HECW2: variants seen among roughly 807,000 people sequenced by gnomAD.
The protein encoded by HECW2 is HECT, C2 and WW domain containing E3 ubiquitin protein ligase 2.
HECW2 carries 61 observed loss-of-function variants against 175.2 expected under a neutral mutation model. The observed-to-expected ratio is 0.35, with a 90% CI of 0.28 to 0.43. The LOEUF (loss-of-function observed/expected upper bound fraction) is 0.43, where lower values mean the gene tolerates loss of function less well. HECW2 is among the 20% of genes least tolerant of loss of function. The pLI, the probability that HECW2 is intolerant of heterozygous loss-of-function variation, is 1.00. For missense variants in HECW2, 1,524 were observed against 2,000.5 expected, an observed-to-expected ratio of 0.76 and a Z score of 4.54; for synonymous variants, 671 against 731.0, an observed-to-expected ratio of 0.92 and a Z score of 1.32.
At chr2:196,475,576 C>T (rs1686561729) in intron 1 of HECW2, among the ~76,000 whole-genome samples, 1 of 152,198 alleles carries the variant, frequency 6.6e-6, no homozygotes, top group African/African-American at 2.4e-5. Context: ...GCATGATCCC[C>T]ACTTACTAGC....
chr2:196,441,809 C>T (rs889821970), intron 1 of HECW2, among the ~76,000 whole-genome samples: 5 of 152,078 alleles, frequency 3.3e-5, no homozygotes, highest in African/African-American at 1.2e-4. Flanking sequence ...TCTACACAAC[C>T]TGCTAGGAAA....
intron 19 of HECW2, among the ~76,000 whole-genome samples, chr2:196,246,638 C>A (rs189851547): frequency 3.3e-5 from 5 of 152,046 alleles, no homozygotes; most frequent in Admixed American, 6.5e-5. Flanking sequence ...GATCCACCCC[C>A]CTCAGCCTCC....
rs1199415460 is a variant in HECW2, at chr2:196,433,237, C to T, written c.187G>A (p.Ala63Thr). Residue 63 changes from alanine to threonine, a missense_variant, in exon 2 of 29, where the codon GCC becomes ACC. Ala to Thr is a moderately conservative substitution (Grantham distance 58). Coordinates refer to ENST00000644978, the MANE Select transcript of HECW2 (RefSeq NM_001348768.2). ...VTSESRSSLT[A>T]SMYEYTLGQA... is the part of the protein sequence containing the mutation. Reference sequence around the variant, plus strand: ...CCCAGCGTGTACTCGTACATGCTGGCAGTTAAGCTGGAGCGGCTCTCAGAA... The same window carrying T: ...CCCAGCGTGTACTCGTACATGCTGGTAGTTAAGCTGGAGCGGCTCTCAGAA... 2.5e-6 allele frequency: 4 copies of T among 1,614,134 alleles called. No individual in the cohort carries two copies. The South Asian group carries it at 4.4e-5, about 18-fold the overall frequency.
chr2:196,248,768 A>G (rs555295256), intron 19 of HECW2, among the ~76,000 whole-genome samples: 1 of 152,306 alleles, frequency 6.6e-6, no homozygotes, highest in Admixed American at 6.5e-5. Flanking sequence ...GGTGGGAGAA[A>G]GAAAACGAAG....
At chr2:196,533,618 G>T (rs1688918845) in intron 1 of HECW2, among the ~76,000 whole-genome samples, 1 of 125,306 alleles carries the variant, frequency 8.0e-6, no homozygotes, top group Non-Finnish European at 1.6e-5. Flanking sequence ...CACTGGAAAA[G>T]GAATATATAT....
At chr2:196,546,041 G>C (rs745383109) in intron 1 of HECW2, among the ~76,000 whole-genome samples, 1 of 152,126 alleles carries the variant, frequency 6.6e-6, no homozygotes, top group Non-Finnish European at 1.5e-5. Flanking sequence ...ATAAAGGTGA[G>C]TTCTTTAAAC....
intron 2 of HECW2, among the ~76,000 whole-genome samples, chr2:196,421,775 G>A (rs1327144723): frequency 6.6e-6 from 1 of 152,118 alleles, no homozygotes; most frequent in East Asian, 1.9e-4. Context: ...AATGTTTCTA[G>A]AATCATCTCA....
At chr2:196,573,686 C>T (rs1057052904) in intron 1 of HECW2, among the ~76,000 whole-genome samples, 2 of 152,106 alleles carry the variant, frequency 1.3e-5, no homozygotes, top group Admixed American at 6.5e-5. Flanking sequence ...CTGCAATTGC[C>T]GAACACTGCG....
At position 196,346,537 on chromosome 2, in the gene HECW2, AG is replaced by A. The variant is rs760434026; in HGVS notation, c.293-2774del. On this transcript the variant is annotated intron_variant, in intron 2 of 28. Coordinates refer to ENST00000644978, the MANE Select transcript of HECW2 (RefSeq NM_001348768.2). The stretch of plus-strand genomic sequence containing the variant: ...CATACCCTTGCTTAGTCTCAGAAGT[AG>A]GAAATAAGGGAGAATAAATAACGTG... 1.3e-5 allele frequency among the ~76,000 whole-genome samples: 2 copies of A among 152,210 alleles called. 1 individual carries two copies. The highest frequency in any genetic ancestry group is 1.3e-4 in the Admixed American group (2 of 15,284).
At chr2:196,512,554 G>T (rs1687989973) in intron 1 of HECW2, among the ~76,000 whole-genome samples, 1 of 151,992 alleles carries the variant, frequency 6.6e-6, no homozygotes, top group Non-Finnish European at 1.5e-5. Flanking sequence ...ACCAAACATA[G>T]CTAATTTTTT....
At chr2:196,421,873 C>T (rs562060528) in intron 2 of HECW2, among the ~76,000 whole-genome samples, 8 of 152,206 alleles carry the variant, frequency 5.3e-5, no homozygotes, top group African/African-American at 1.9e-4. Context: ...TTTGGCTACA[C>T]CAACCTATGC....
chr2:196,523,339 T>C (rs1353406969), intron 1 of HECW2, among the ~76,000 whole-genome samples: 2 of 151,672 alleles, frequency 1.3e-5, no homozygotes, highest in Non-Finnish European at 3.0e-5. Context: ...TCCTGAGACT[T>C]TGCTGAAGTT....
At position 196,382,865 on chromosome 2, in the gene HECW2, G is replaced by A. The variant is rs115934508; in HGVS notation, c.293-39101C>T. On this transcript the variant is annotated intron_variant, in intron 2 of 28. Transcript: ENST00000644978. Reference sequence around the variant, plus strand: ...AGTAAAAATGATATTGCAAATGGTAGCAGGACCACAAGTAGCTTTCATTTT... The same window carrying A: ...AGTAAAAATGATATTGCAAATGGTAACAGGACCACAAGTAGCTTTCATTTT... 9.2e-3 allele frequency among the ~76,000 whole-genome samples: 1,402 copies of A among 152,264 alleles called. 9 individuals carry two copies. The highest frequency in any genetic ancestry group is 0.016 in the Non-Finnish European group (1,055 of 68,014).
At chr2:196,510,682 T>C (rs771726063) in intron 1 of HECW2, among the ~76,000 whole-genome samples, 38 of 152,248 alleles carry the variant, frequency 2.5e-4, no homozygotes, top group Non-Finnish European at 5.0e-4. Flanking sequence ...TCCACAAATA[T>C]GGGAATTGTT....
chr2:196,324,902 T>C, intron 6 of HECW2, 78 bp downstream of exon 6: 1 of 1,236,184 alleles, frequency 8.1e-7, no homozygotes. Flanking sequence ...ACCTGAGGGA[T>C]GCAAAAGTCT....
intron 13 of HECW2, among the ~76,000 whole-genome samples, chr2:196,301,928 T>C (rs1182358405): frequency 1.3e-5 from 2 of 152,208 alleles, no homozygotes; most frequent in African/African-American, 4.8e-5. Flanking sequence ...TTGCAATTGC[T>C]TTTGGTACTT....
Position 196,240,579 on chromosome 2 carries a change from A to C in HECW2, c.3651-17T>G. On this transcript the variant is annotated splice_polypyrimidine_tract_variant and intron_variant, in intron 20 of 28. Coordinates refer to ENST00000644978, the MANE Select transcript of HECW2 (RefSeq NM_001348768.2). Reference sequence around the variant, plus strand: ...ATAATTAACCTGTCCATAAAGAGACAATTTAGAAAATACAAATTATTACTA... The same window carrying C: ...ATAATTAACCTGTCCATAAAGAGACCATTTAGAAAATACAAATTATTACTA... The C allele has an allele frequency of 6.4e-7, 1 of 1,563,724 alleles. No homozygotes were observed. Among genetic ancestry groups the C allele is most frequent in the Admixed American group, 2.1e-5 (1 of 47,390 alleles).
intron 1 of HECW2, among the ~76,000 whole-genome samples, chr2:196,542,517 A>G (rs1217714175): frequency 2.0e-5 from 3 of 152,188 alleles, no homozygotes; most frequent in Non-Finnish European, 4.4e-5. Context: ...TCATATTTTT[A>G]GAAAAAGTAA....
chr2:196,304,607 A>G (rs1691191707), intron 13 of HECW2, among the ~76,000 whole-genome samples: 1 of 152,230 alleles, frequency 6.6e-6, no homozygotes. Context: ...TGAACAAAAA[A>G]CAAAGGGGAG....
Sources: gnomAD v4.1 joint callset for allele counts (sites outside exome capture counted in the v4.1 genomes callset) on GRCh38, gnomAD v4.1.1 for gene constraint, MANE v1.5 for transcripts, NCBI Gene and HGNC (gene_info 2026-07-23, HGNC 2026-07-21) for gene names.